Variants in RGS6 observed in about 807,000 individuals in gnomAD.
RGS6 encodes regulator of G-protein signaling 6.
Under a neutral mutation model 78.5 loss-of-function variants are expected in RGS6, and 30 were observed. The ratio of observed to expected loss-of-function variants is 0.38; its 90% CI spans 0.29 to 0.52. RGS6 has a LOEUF of 0.52. Ranked by LOEUF, RGS6 falls within the 20% of genes least tolerant of loss-of-function variation. RGS6 has a pLI of 0.85. For synonymous variants in RGS6, 206 were observed against 206.0 expected (o/e 1.00, Z 0.00); for missense variants, 495 against 609.7 (o/e 0.81, Z 1.98).
chr14:72,390,721 C>A lies in RGS6; in HGVS notation c.184+38527C>A, dbSNP rs187179564. Among the ~76,000 whole-genome samples, 7 of 152,274 alleles carry A rather than the reference C, an allele frequency of 4.6e-5. No homozygotes were observed. The East Asian group carries it at 1.3e-3, about 29-fold the overall frequency. ...GGTAAACCTTAGAATCATAATACTG[C>A]AGAATTTAATGATCCTTTGTGAGCT... On this transcript the variant is annotated intron_variant, in intron 3 of 17. Coordinates refer to ENST00000553525, the MANE Select transcript of RGS6 (RefSeq NM_001204424.2).
rs560980755 is a variant in RGS6 at position 72,013,125 on chromosome 14, G to A, written c.84+48250G>A. Among the ~76,000 whole-genome samples the A allele has an allele frequency of 1.3e-4, 19 of 151,976 alleles. No homozygotes were observed. In the South Asian group the frequency reaches 1.9e-3, roughly 15 times the overall value. On this transcript the variant is annotated intron_variant, in intron 2 of 17. Coordinates refer to ENST00000553525, the MANE Select transcript of RGS6 (RefSeq NM_001204424.2). ...ATCTCTACTAAAAATACAAAAATTA[G>A]CTGGGTGTGGTGGTACGTGCCTGTA...
At chr14:72,349,220 C>G (rs1035636158) in intron 2 of RGS6, among the ~76,000 whole-genome samples, 3 of 152,122 alleles carry the variant, frequency 2.0e-5, no homozygotes, top group Non-Finnish European at 2.9e-5. Flanking sequence ...GCTCATGAGT[C>G]TATAGGCCAG....
chr14:72,551,747 G>A (rs2097509984), intron 17 of RGS6, among the ~76,000 whole-genome samples: 2 of 152,204 alleles, frequency 1.3e-5, no homozygotes, highest in South Asian at 4.1e-4. Context: ...ATTCAATGAG[G>A]ATGTGATCAC....
intron 2 of RGS6, among the ~76,000 whole-genome samples, chr14:72,001,302 T>G (rs2083372480): frequency 6.6e-6 from 1 of 152,228 alleles, no homozygotes; most frequent in Non-Finnish European, 1.5e-5. Flanking sequence ...AGTGTGTTGA[T>G]GATTTTTCCT....
At chr14:72,347,707 T>C (rs1356841) in intron 2 of RGS6, among the ~76,000 whole-genome samples, 70,305 of 151,804 alleles carry the variant, frequency 0.46, 16,552 homozygotes, top group South Asian at 0.6. Context: ...CCAGGAATAG[T>C]CTCTGCCTGC....
At position 72,562,924 on chromosome 14, in the gene RGS6, C is replaced by T. The variant is rs2097692460; in HGVS notation, c.*457C>T. ...AGCATTTGCATCACCTCCCTGGCAC[C>T]TCCCATAGTTACAGCCACTACATCC... On this transcript the variant is annotated 3_prime_UTR_variant, in exon 18 of 18. Coordinates refer to ENST00000553525, the MANE Select transcript of RGS6 (RefSeq NM_001204424.2). The T allele has an allele frequency of 1.5e-6, 1 of 675,478 alleles. No individual in the cohort carries two copies. Among genetic ancestry groups the T allele is most frequent in the Non-Finnish European group, 2.6e-6 (1 of 380,942 alleles). 41.8% of individuals were successfully genotyped at this position (675,478 alleles called of 1,614,324 possible). A position where few individuals can be genotyped will look rare whatever the true frequency, so the allele number is the denominator to read the frequency against.
chr14:71,971,062 G>A (rs539521097), intron 2 of RGS6, among the ~76,000 whole-genome samples: 27 of 152,290 alleles, frequency 1.8e-4, no homozygotes, highest in African/African-American at 6.5e-4. Context: ...TTTCTGTGAT[G>A]AAAGGTTGAG....
At chr14:72,610,955 G>C in the RGS6 span, among the ~76,000 whole-genome samples, 5 of 152,230 alleles carry the variant, frequency 3.3e-5, no homozygotes, top group Non-Finnish European at 5.9e-5. Context: ...AAGTAGGTGA[G>C]TGGACCAAAC....
chr14:72,132,346 G>C (rs1031882664), intron 2 of RGS6, among the ~76,000 whole-genome samples: 1 of 150,554 alleles, frequency 6.6e-6, no homozygotes, highest in Non-Finnish European at 1.5e-5. Flanking sequence ...ACATGATCTC[G>C]GCTCACTGAA....
intron 2 of RGS6, among the ~76,000 whole-genome samples, chr14:72,211,096 A>T (rs1293130227): frequency 6.6e-6 from 1 of 152,202 alleles, no homozygotes; most frequent in East Asian, 1.9e-4. Flanking sequence ...AGACAAATAT[A>T]TGTGAACAGA....
intron 2 of RGS6, among the ~76,000 whole-genome samples, chr14:72,134,432 G>A (rs1405069711): frequency 1.3e-5 from 2 of 152,186 alleles, no homozygotes. Context: ...CTTCAACAAT[G>A]TTGAGGCTCC....
chr14:72,314,170 C>T (rs567208403), intron 2 of RGS6, among the ~76,000 whole-genome samples: 1 of 152,302 alleles, frequency 6.6e-6, no homozygotes, highest in East Asian at 1.9e-4. Context: ...GCCCAACTTA[C>T]AGTGTCTGTG....
At chr14:72,448,578 A>G (rs1286861592) in intron 3 of RGS6, among the ~76,000 whole-genome samples, 1 of 152,232 alleles carries the variant, frequency 6.6e-6, no homozygotes, top group Non-Finnish European at 1.5e-5. Flanking sequence ...AAATGGAGAT[A>G]ATAATATGCT....
At chr14:72,404,211 G>A (rs12434786) in intron 3 of RGS6, among the ~76,000 whole-genome samples, 35,486 of 151,996 alleles carry the variant, frequency 0.23, 5,049 homozygotes, top group South Asian at 0.39. Context: ...TCAAAGTCGT[G>A]GTTATGACTG....
the RGS6 span, among the ~76,000 whole-genome samples, chr14:72,573,407 AC>A: frequency 6.6e-6 from 1 of 152,158 alleles, no homozygotes; most frequent in African/African-American, 2.4e-5. Flanking sequence ...AAATGTCTTA[AC>A]AGAAAGAGTC....
chr14:72,581,423 C>T, the RGS6 span, among the ~76,000 whole-genome samples: 3 of 152,150 alleles, frequency 2.0e-5, no homozygotes, highest in Admixed American at 6.5e-5. Context: ...GCTCCCACCA[C>T]GACAGCTCAG....
At chr14:71,957,340 T>TGGAG (rs1184168825) in intron 1 of RGS6, among the ~76,000 whole-genome samples, 1 of 151,980 alleles carries the variant, frequency 6.6e-6, no homozygotes, top group Non-Finnish European at 1.5e-5. Context: ...GGATTTGTGT[T>TGGAG]GGAGGGAGGG....
At chr14:72,556,847 C>T (rs180889958) in intron 17 of RGS6, among the ~76,000 whole-genome samples, 77 of 152,240 alleles carry the variant, frequency 5.1e-4, no homozygotes, top group African/African-American at 1.8e-3. Flanking sequence ...ATTCACTTTT[C>T]ATCTATCCCT....
At chr14:72,116,150 CACAT>C (rs1205280634) in intron 2 of RGS6, among the ~76,000 whole-genome samples, 1 of 152,184 alleles carries the variant, frequency 6.6e-6, no homozygotes, top group Non-Finnish European at 1.5e-5. Flanking sequence ...ATATTGTACA[CACAT>C]ATGTGATGCA....
Sources: allele counts gnomAD v4.1 joint callset (sites outside exome capture counted in the v4.1 genomes callset), GRCh38; gene constraint gnomAD v4.1.1; transcripts MANE v1.5; gene names NCBI Gene and HGNC (gene_info 2026-07-23, HGNC 2026-07-21).